Variants in ROBO2 observed in about 807,000 individuals in gnomAD.
The protein encoded by ROBO2 is roundabout guidance receptor 2, also known as roundabout homolog 2.
ROBO2 carries 53 observed loss-of-function variants against 160.8 expected under a neutral mutation model. The observed-to-expected ratio is 0.33, with a 90% confidence interval of 0.26 to 0.41. ROBO2 has a LOEUF of 0.41. Among genes scored for constraint, ROBO2 ranks in the 10% least tolerant of loss-of-function variants. The pLI, the probability that ROBO2 is intolerant of heterozygous loss-of-function variation, is 1.00. For synonymous variants in ROBO2, 664 were observed against 611.7 expected (o/e 1.09, Z -1.26); for missense variants, 1,577 against 1,722.4 (o/e 0.92, Z 1.49).
At chr3:77,161,025 T>C (rs2078442569) in intron 2 of ROBO2, among the ~76,000 whole-genome samples, 1 of 152,074 alleles carries the variant, frequency 6.6e-6, no homozygotes, top group Non-Finnish European at 1.5e-5. Context: ...GTTCCACAGA[T>C]AGGTAAAAGA....
At chr3:77,613,737 T>C (rs1261913944) in intron 21 of ROBO2, among the ~76,000 whole-genome samples, 2 of 152,186 alleles carry the variant, frequency 1.3e-5, no homozygotes, top group Non-Finnish European at 2.9e-5. Context: ...AACAGTTCAA[T>C]GTCATAACTA....
intron 2 of ROBO2, among the ~76,000 whole-genome samples, chr3:77,399,832 G>A (rs2075630907): frequency 6.6e-6 from 1 of 152,072 alleles, no homozygotes; most frequent in Non-Finnish European, 1.5e-5. Context: ...ATTATCTTTG[G>A]AAAACTGAGG....
intron 2 of ROBO2, among the ~76,000 whole-genome samples, chr3:77,439,586 A>C (rs1392101753): frequency 6.6e-6 from 1 of 152,126 alleles, no homozygotes; most frequent in Non-Finnish European, 1.5e-5. Flanking sequence ...ATCCACCAAA[A>C]GAATACCTTA....
chr3:76,931,961 G>A (rs1251242748), intron 2 of ROBO2, among the ~76,000 whole-genome samples: 1 of 152,102 alleles, frequency 6.6e-6, no homozygotes, highest in African/African-American at 2.4e-5. Flanking sequence ...GATTACAGGC[G>A]TGAGCCACCG....
intron 1 of ROBO2, among the ~76,000 whole-genome samples, chr3:75,916,424 A>G (rs1946809306): frequency 6.6e-6 from 1 of 152,170 alleles, no homozygotes. Flanking sequence ...TTATACCAAC[A>G]TGGCAGCTCA....
In ROBO2 at chr3:76,195,208, G is replaced by T. The variant is rs548181564; in HGVS notation, c.109+257606G>T. Among the ~76,000 whole-genome samples the T allele has an allele frequency of 2.0e-5, 3 of 152,210 alleles. No individual in the cohort carries two copies. In the South Asian group the frequency reaches 6.2e-4, roughly 32 times the overall value. On this transcript the variant is annotated intron_variant, in intron 2 of 26. Coordinates refer to the ROBO2 transcript ENST00000487694. The stretch of plus-strand genomic sequence containing the variant: ...CTTGAGTATTGGGGATATTGGATTC[G>T]CTTTTCAGATAAGGAAATTGAGACA...
At chr3:76,426,515 T>C (rs1462381532) in intron 2 of ROBO2, among the ~76,000 whole-genome samples, 1 of 152,068 alleles carries the variant, frequency 6.6e-6, no homozygotes, top group Non-Finnish European at 1.5e-5. Context: ...AATAAAATGA[T>C]CCTTTTTCTT....
chr3:77,120,715 C>A (rs1328161499), intron 2 of ROBO2, among the ~76,000 whole-genome samples: 1 of 152,048 alleles, frequency 6.6e-6, no homozygotes, highest in African/African-American at 2.4e-5. Flanking sequence ...TACATTTTAG[C>A]TAAGTTTGAA....
chr3:77,633,362 C>T (rs898462683), intron 23 of ROBO2: 1 of 152,000 alleles, frequency 6.6e-6, no homozygotes, highest in East Asian at 1.9e-4. Flanking sequence ...GCTGCTCATT[C>T]CACAAAAAAG....
chr3:76,190,895 G>A (rs1459443735), intron 2 of ROBO2, among the ~76,000 whole-genome samples: 5 of 151,976 alleles, frequency 3.3e-5, no homozygotes, highest in African/African-American at 4.8e-5. Context: ...TTATTAGTTC[G>A]TTCATATGCC....
At chr3:76,377,315 C>T (rs904762186) in intron 2 of ROBO2, among the ~76,000 whole-genome samples, 1 of 152,034 alleles carries the variant, frequency 6.6e-6, no homozygotes, top group East Asian at 1.9e-4. Flanking sequence ...ATAGGATAGC[C>T]CCATGAGTGA....
intron 2 of ROBO2, among the ~76,000 whole-genome samples, chr3:77,460,220 TG>T (rs1560897473): frequency 6.6e-6 from 1 of 152,170 alleles, no homozygotes; most frequent in East Asian, 1.9e-4. Flanking sequence ...AGTGTGTTCA[TG>T]GGTGACAGAA....
chr3:77,480,711 T>G (rs2084586301), intron 3 of ROBO2, among the ~76,000 whole-genome samples: 1 of 152,146 alleles, frequency 6.6e-6, no homozygotes, highest in Non-Finnish European at 1.5e-5. Flanking sequence ...TGAATCCCTC[T>G]GATTCAGCAG....
intron 2 of ROBO2, among the ~76,000 whole-genome samples, chr3:77,189,924 C>A (rs904665605): frequency 6.6e-6 from 1 of 151,818 alleles, no homozygotes; most frequent in Admixed American, 6.6e-5. Flanking sequence ...AGATGTAGTT[C>A]TACCTTAAGT....
intron 2 of ROBO2, among the ~76,000 whole-genome samples, chr3:76,948,893 TA>T (rs2078753666): frequency 3.6e-5 from 1 of 27,410 alleles, no homozygotes; most frequent in African/African-American, 1.5e-4. Flanking sequence ...TATATATATA[TA>T]TATATATATA....
intron 2 of ROBO2, among the ~76,000 whole-genome samples, chr3:77,344,080 A>G (rs2067357034): frequency 6.6e-6 from 1 of 152,102 alleles, no homozygotes; most frequent in Non-Finnish European, 1.5e-5. Flanking sequence ...AATGCAAAGA[A>G]GAATATAAAC....
chr3:76,561,420 A>G (rs2084179660), intron 2 of ROBO2, among the ~76,000 whole-genome samples: 1 of 152,164 alleles, frequency 6.6e-6, no homozygotes, highest in Admixed American at 6.6e-5. Context: ...GAAATATGTC[A>G]TATCAACAAA....
chr3:76,248,053 C>G (rs1481662897), intron 2 of ROBO2, among the ~76,000 whole-genome samples: 2 of 151,890 alleles, frequency 1.3e-5, no homozygotes, highest in Non-Finnish European at 2.9e-5. Context: ...GGACTGTAAA[C>G]TAGTTCAACC....
At chr3:76,115,697 G>A (rs541062223) in intron 2 of ROBO2, among the ~76,000 whole-genome samples, 2 of 152,142 alleles carry the variant, frequency 1.3e-5, no homozygotes, top group Admixed American at 6.6e-5. Flanking sequence ...AACATCAATT[G>A]TTTTCTCAAT....
Sources: allele counts gnomAD v4.1 joint callset (sites outside exome capture counted in the v4.1 genomes callset), GRCh38; gene constraint gnomAD v4.1.1; transcripts MANE v1.5; gene names NCBI Gene and HGNC (gene_info 2026-07-23, HGNC 2026-07-21).